Variants in PPP1R9A observed in about 807,000 individuals in gnomAD.
PPP1R9A encodes the protein protein phosphatase 1 regulatory subunit 9A, also known as neurabin-1.
PPP1R9A carries 59 observed loss-of-function variants against 141.9 expected under a neutral mutation model. That is an observed-to-expected ratio of 0.42 (90% CI 0.34 to 0.52). The LOEUF (loss-of-function observed/expected upper bound fraction) is 0.52, where lower values mean the gene tolerates loss of function less well. PPP1R9A is among the 20% of genes least tolerant of loss of function. The pLI, the probability that PPP1R9A is intolerant of heterozygous loss-of-function variation, is 0.10. For missense variants in PPP1R9A, 1,444 were observed against 1,611.9 expected, an observed-to-expected ratio of 0.90 and a Z score of 1.78; for synonymous variants, 500 against 569.7, an observed-to-expected ratio of 0.88 and a Z score of 1.74.
chr7:94,997,010 G>C (rs1261070367), intron 2 of PPP1R9A, among the ~76,000 whole-genome samples: 1 of 151,950 alleles, frequency 6.6e-6, no homozygotes, highest in African/African-American at 2.4e-5. Context: ...CACCATGTTG[G>C]TCAGGCTGGT....
At chr7:94,915,226 T>C (rs892833319) in intron 2 of PPP1R9A, among the ~76,000 whole-genome samples, 10 of 152,206 alleles carry the variant, frequency 6.6e-5, no homozygotes, top group African/African-American at 2.4e-4. Flanking sequence ...ATGATAGTTG[T>C]TGAAAATGGA....
chr7:94,908,546 GCCGAGGGATTGCGTC>G, intron 1 of PPP1R9A: 1 of 152,212 alleles, frequency 6.6e-6, no homozygotes, highest in African/African-American at 2.4e-5. Context: ...CTGCCCCAGG[GCCGAGGGATTGCGTC>G]CCGAACCGGG....
intron 2 of PPP1R9A, among the ~76,000 whole-genome samples, chr7:94,995,415 T>C (rs967796676): frequency 2.6e-5 from 4 of 152,042 alleles, no homozygotes; most frequent in Non-Finnish European, 4.4e-5. Context: ...TTTCTTTTCC[T>C]TAGGGGACTC....
intron 2 of PPP1R9A, among the ~76,000 whole-genome samples, chr7:94,917,254 C>A (rs1792194141): frequency 6.6e-6 from 1 of 151,694 alleles, no homozygotes; most frequent in African/African-American, 2.4e-5. Flanking sequence ...TTGAATGAAC[C>A]CCTTTTCTAA....
At chr7:95,062,168 C>T (rs1812328479) in intron 2 of PPP1R9A, among the ~76,000 whole-genome samples, 1 of 152,046 alleles carries the variant, frequency 6.6e-6, no homozygotes, top group South Asian at 2.1e-4. Context: ...CATTAGGTGG[C>T]CCTTGAGGGT....
At chr7:95,103,816 T>C (rs1819146691) in intron 2 of PPP1R9A, among the ~76,000 whole-genome samples, 1 of 152,260 alleles carries the variant, frequency 6.6e-6, no homozygotes, top group Non-Finnish European at 1.5e-5. Flanking sequence ...GTGGGAACTC[T>C]CTTTACCCTT....
intron 2 of PPP1R9A, among the ~76,000 whole-genome samples, chr7:95,074,914 C>A (rs1254477418): frequency 6.6e-6 from 1 of 152,008 alleles, no homozygotes; most frequent in Non-Finnish European, 1.5e-5. Context: ...GTGATGAATG[C>A]TAATTTTTGT....
At chr7:95,009,127 A>T (rs1804047773) in intron 2 of PPP1R9A, among the ~76,000 whole-genome samples, 1 of 152,096 alleles carries the variant, frequency 6.6e-6, no homozygotes, top group African/African-American at 2.4e-5. Flanking sequence ...CAGGAAGGGG[A>T]ACATCACACA....
intron 2 of PPP1R9A, 96 bp from the exon 3 acceptor site, chr7:95,111,163 A>T (rs989399967): frequency 3.1e-6 from 4 of 1,275,370 alleles, no homozygotes; most frequent in African/African-American, 1.5e-5. Flanking sequence ...GTTTAGAAGA[A>T]ATTCATCACA....
intron 18 of PPP1R9A, chr7:95,287,196 T>C (rs1025334655): frequency 3.8e-6 from 6 of 1,558,706 alleles, no homozygotes; most frequent in Non-Finnish European, 4.4e-6. Context: ...GTTTTTTCGC[T>C]CTTTGGAGAT....
intron 2 of PPP1R9A, among the ~76,000 whole-genome samples, chr7:94,999,030 C>G (rs1424626859): frequency 1.3e-5 from 2 of 152,232 alleles, no homozygotes; most frequent in Admixed American, 1.3e-4. Flanking sequence ...CCTGTGATTA[C>G]AGGTGTGAGC....
Position 95,161,891 on chromosome 7 carries a change from G to C in PPP1R9A, c.1674G>C (p.Val558=), listed in dbSNP as rs1211788737. 2 of 1,609,938 alleles carry C rather than the reference G, an allele frequency of 1.2e-6. No homozygotes were observed. The highest frequency in any genetic ancestry group is 1.7e-6 in the Non-Finnish European group (2 of 1,177,630). ...GAATACAAGTCAATGACCAGATTGT[G>C]GAAGTGGATGGAATCAGCTTGGTGG... ...DGRIQVNDQI[V]EVDGISLVGV... Residue 558 remains valine, a synonymous_variant, in exon 5 of 20, where the codon GTG becomes GTC. Coordinates refer to ENST00000433360, the MANE Select transcript of PPP1R9A (RefSeq NM_001166160.2).
chr7:95,232,814 A>G (rs1159453861), intron 8 of PPP1R9A, among the ~76,000 whole-genome samples: 1 of 152,234 alleles, frequency 6.6e-6, no homozygotes, highest in Non-Finnish European at 1.5e-5. Flanking sequence ...CAAAACGACA[A>G]TGAGATACCA....
At chr7:95,179,910 T>C (rs1327183591) in intron 5 of PPP1R9A, among the ~76,000 whole-genome samples, 1 of 152,262 alleles carries the variant, frequency 6.6e-6, no homozygotes, top group East Asian at 1.9e-4. Flanking sequence ...CCCGTGCTCA[T>C]TGATAGGTAG....
intron 2 of PPP1R9A, among the ~76,000 whole-genome samples, chr7:95,037,532 T>C (rs1290184269): frequency 1.3e-5 from 2 of 152,150 alleles, no homozygotes; most frequent in African/African-American, 4.8e-5. Context: ...ACTTAGTACA[T>C]CTGAAAGGTT....
chr7:95,272,131 T>C (rs1802292907), intron 14 of PPP1R9A, among the ~76,000 whole-genome samples: 1 of 152,146 alleles, frequency 6.6e-6, no homozygotes, highest in Admixed American at 6.5e-5. Context: ...GCAACACTCA[T>C]GGGTTACAGA....
intron 2 of PPP1R9A, among the ~76,000 whole-genome samples, chr7:94,926,689 G>A (rs1014688317): frequency 1.1e-4 from 16 of 151,508 alleles, no homozygotes; most frequent in Non-Finnish European, 2.2e-4. Flanking sequence ...TTTTTCAGTG[G>A]TTAGAGAGGA....
intron 16 of PPP1R9A, among the ~76,000 whole-genome samples, chr7:95,282,256 C>A (rs1448722333): frequency 6.7e-6 from 1 of 149,224 alleles, no homozygotes; most frequent in East Asian, 2.0e-4. Flanking sequence ...TGCTTGAGCC[C>A]AGGAGGTCCA....
intron 2 of PPP1R9A, among the ~76,000 whole-genome samples, chr7:94,969,528 A>C (rs1798623043): frequency 6.6e-6 from 1 of 152,078 alleles, no homozygotes; most frequent in Non-Finnish European, 1.5e-5. Context: ...GCTTTGTCTC[A>C]GTGGGGCACC....
Sources: allele counts gnomAD v4.1 joint callset (sites outside exome capture counted in the v4.1 genomes callset), GRCh38; gene constraint gnomAD v4.1.1; transcripts MANE v1.5; gene names NCBI Gene and HGNC (gene_info 2026-07-23, HGNC 2026-07-21).